SEPTIN11: variants seen among roughly 807,000 people sequenced by gnomAD.
SEPTIN11 encodes the protein septin 11, also known as septin-11.
SEPTIN11 carries 25 observed loss-of-function variants against 51.4 expected under a neutral mutation model. The ratio of observed to expected loss-of-function variants is 0.49; its 90% confidence interval spans 0.35 to 0.68. The LOEUF (loss-of-function observed/expected upper bound fraction) is 0.68, where lower values mean the gene tolerates loss of function less well. Among genes scored for constraint, SEPTIN11 ranks in the 30% least tolerant of loss-of-function variants. The pLI is 0.00. For missense variants in SEPTIN11, 381 were observed against 520.8 expected, an observed-to-expected ratio of 0.73 and a Z score of 2.61; for synonymous variants, 174 against 184.1, an observed-to-expected ratio of 0.95 and a Z score of 0.44.
intron 1 of SEPTIN11, among the ~76,000 whole-genome samples, chr4:76,976,137 A>G (rs918986920): frequency 6.6e-6 from 1 of 152,194 alleles, no homozygotes; most frequent in Non-Finnish European, 1.5e-5. Context: ...ATTATGAGGT[A>G]TCTACTTATA....
rs1553975098 is a variant in SEPTIN11 at position 77,016,639 on chromosome 4, T to TATATACAC, written c.687+1627_687+1628insCACATATA. On this transcript the variant is annotated intron_variant, in intron 5 of 9. Transcript: ENST00000264893. ...ACATATATATATATATACACATATA[T>TATATACAC]ATATATATATATATATACACATATA... Among the ~76,000 whole-genome samples, 9 of 110,898 alleles carry TATATACAC rather than the reference T, an allele frequency of 8.1e-5. 1 individual carries two copies. In the East Asian group the frequency reaches 2.4e-3, roughly 30 times the overall value. The allele number at this position is 110,898 out of a possible 152,430, so 72.8% of individuals were successfully genotyped here. A position where few individuals can be genotyped will look rare whatever the true frequency, so the allele number is the denominator to read the frequency against.
chr4:76,954,418 T>C (rs1026169834), intron 1 of SEPTIN11, among the ~76,000 whole-genome samples: 3 of 152,222 alleles, frequency 2.0e-5, no homozygotes, highest in African/African-American at 7.2e-5. Context: ...AAAGCTTCTA[T>C]ACTTTTTTCC....
At chr4:76,952,869 C>G (rs1311472289) in intron 1 of SEPTIN11, among the ~76,000 whole-genome samples, 1 of 152,104 alleles carries the variant, frequency 6.6e-6, no homozygotes, top group Non-Finnish European at 1.5e-5. Context: ...GTCCAAATCC[C>G]GGGGCAGCTA....
At position 77,036,393 on chromosome 4, in the gene SEPTIN11, T is replaced by G; in HGVS notation, c.*1881T>G. 1 of 1,088,154 alleles carries G rather than the reference T, an allele frequency of 9.2e-7. No homozygotes were observed. The allele number at this position is 1,088,154 out of a possible 1,614,324, so 67.4% of individuals were successfully genotyped here. ...CATAGGCTGTGCATCAGACAAAAGC[T>G]TGAATATTTGTGTTGTATGCTTGTT... On this transcript the variant is annotated 3_prime_UTR_variant, in exon 10 of 10. Coordinates refer to ENST00000264893, the MANE Select transcript of SEPTIN11 (RefSeq NM_018243.4).
At chr4:76,974,313 G>A (rs1722385535) in intron 1 of SEPTIN11, among the ~76,000 whole-genome samples, 1 of 152,058 alleles carries the variant, frequency 6.6e-6, no homozygotes, top group Non-Finnish European at 1.5e-5. Flanking sequence ...CTATTTAAAG[G>A]TCAGTGACTC....
intron 2 of SEPTIN11, 137 bp downstream of exon 2, chr4:76,996,676 C>T (rs1723740059): frequency 3.2e-6 from 2 of 633,136 alleles, no homozygotes; most frequent in Non-Finnish European, 5.6e-6. Flanking sequence ...GGCAAAATAT[C>T]TGCCTTATAC....
intron 1 of SEPTIN11, chr4:76,995,932 A>G (rs1241120496): frequency 1.3e-6 from 2 of 1,535,600 alleles, no homozygotes; most frequent in East Asian, 4.9e-5. Context: ...AATATGCTGC[A>G]TTTATGGTAG....
At chr4:76,968,354 G>A (rs1722112499) in intron 1 of SEPTIN11, among the ~76,000 whole-genome samples, 1 of 152,060 alleles carries the variant, frequency 6.6e-6, no homozygotes, top group South Asian at 2.1e-4. Flanking sequence ...CCTTATTGAG[G>A]CCTAAGGACT....
intron 1 of SEPTIN11, among the ~76,000 whole-genome samples, chr4:76,991,836 A>G (rs1723398057): frequency 6.6e-6 from 1 of 152,254 alleles, no homozygotes; most frequent in South Asian, 2.1e-4. Context: ...AATGAATTAT[A>G]AAAATAACTT....
At chr4:76,971,836 C>T (rs112537872) in intron 1 of SEPTIN11, among the ~76,000 whole-genome samples, 139 of 152,276 alleles carry the variant, frequency 9.1e-4, no homozygotes, top group African/African-American at 3.1e-3. Flanking sequence ...CTTTAAAGAA[C>T]GTGGTGAAGG....
intron 1 of SEPTIN11, among the ~76,000 whole-genome samples, chr4:76,985,852 G>T (rs774548098): frequency 3.3e-5 from 5 of 152,106 alleles, no homozygotes; most frequent in Non-Finnish European, 5.9e-5. Context: ...ACAACAAGGC[G>T]CTTACAAATT....
Position 76,950,456 on chromosome 4 carries a change from G to A in SEPTIN11, c.27+526G>A, listed in dbSNP as rs574377873. 2.0e-3 allele frequency among the ~76,000 whole-genome samples: 310 copies of A among 152,368 alleles called. 2 individuals are homozygous for A. Among genetic ancestry groups the A allele is most frequent in the African/African-American group, 7.3e-3 (303 of 41,592 alleles). On this transcript the variant is annotated intron_variant, in intron 1 of 9. Coordinates refer to ENST00000264893, the MANE Select transcript of SEPTIN11 (RefSeq NM_018243.4). The stretch of plus-strand genomic sequence containing the variant: ...CCCGGACACCCTCGGGCATCCACCC[G>A]GCTGAGCGGGCCCTGCCCAGGATGT...
chr4:77,029,001 G>A (rs1431698517), intron 8 of SEPTIN11, among the ~76,000 whole-genome samples: 3 of 152,262 alleles, frequency 2.0e-5, no homozygotes, highest in East Asian at 3.9e-4. Flanking sequence ...CAGCAAAACC[G>A]AGACTAAAAC....
Position 77,035,150 on chromosome 4 carries a change from C to G in SEPTIN11, c.*638C>G, listed in dbSNP as rs535396614. 966 of 985,446 alleles carry G rather than the reference C, an allele frequency of 9.8e-4. 1 individual carries two copies. Among genetic ancestry groups the G allele is most frequent in the South Asian group, 3.6e-3 (76 of 21,292 alleles). The allele number at this position is 985,446 out of a possible 1,614,324, so 61.0% of individuals were successfully genotyped here. A position where few individuals can be genotyped will look rare whatever the true frequency, so the allele number is the denominator to read the frequency against. ...CATGGTTTGAAACTGCATCTGAATG[C>G]CTGCCTTCAATCCTGGCCAAGTTGG... is the stretch of plus-strand genomic sequence containing the variant. On this transcript the variant is annotated 3_prime_UTR_variant, in exon 10 of 10. Transcript: ENST00000264893.
chr4:76,987,974 G>T, intron 1 of SEPTIN11: 1 of 228,896 alleles, frequency 4.4e-6, no homozygotes, highest in Non-Finnish European at 7.3e-6. Context: ...CTGCCCCATG[G>T]TTTCATCTCA....
intron 1 of SEPTIN11, among the ~76,000 whole-genome samples, chr4:76,975,136 G>GAAAAAAA (rs200578172): frequency 8.9e-6 from 1 of 112,766 alleles, no homozygotes; most frequent in Non-Finnish European, 2.0e-5. Flanking sequence ...GAAGAAAAAA[G>GAAAAAAA]AAAAAAAAAA....
chr4:77,024,661 A>G lies in SEPTIN11; in HGVS notation c.954-3968A>G, dbSNP rs905374371. Among the ~76,000 whole-genome samples, 6 of 152,252 alleles carry G rather than the reference A, an allele frequency of 3.9e-5. No individual in the cohort carries two copies. Among genetic ancestry groups the G allele is most frequent in the Middle Eastern group, 3.4e-3 (1 of 294 alleles). On this transcript the variant is annotated intron_variant, in intron 7 of 9. Transcript: ENST00000264893. This position sits in a 1 kb window ranked among gnomAD's most constrained non-coding sequence, Gnocchi z 4.2. ...GTTACCACCATTTTCTCAGAGGCCAACGAGGTCCAGGCCCCAGAGACTCAC... is the reference window on the plus strand; with the variant it reads ...GTTACCACCATTTTCTCAGAGGCCAGCGAGGTCCAGGCCCCAGAGACTCAC...
At chr4:77,007,862 C>T (rs1012758741) in intron 3 of SEPTIN11, among the ~76,000 whole-genome samples, 5 of 152,180 alleles carry the variant, frequency 3.3e-5, no homozygotes, top group Non-Finnish European at 1.5e-5. Context: ...CTCTGCCTCC[C>T]TCAAGAAACT....
At chr4:76,974,526 A>AAGATTT (rs1722397917) in intron 1 of SEPTIN11, 1 of 323,130 alleles carries the variant, frequency 3.1e-6, no homozygotes, top group Non-Finnish European at 6.1e-6. Flanking sequence ...TAAGACCCAT[A>AAGATTT]GGCTCAGAAC....
Sources: gnomAD v4.1 joint callset for allele counts (sites outside exome capture counted in the v4.1 genomes callset) on GRCh38, gnomAD v4.1.1 for gene constraint, Gnocchi (gnomAD v3.1) non-coding constraint, MANE v1.5 for transcripts, NCBI Gene and HGNC (gene_info 2026-07-23, HGNC 2026-07-21) for gene names.